EPRS1: variants seen among roughly 807,000 people sequenced by gnomAD.
EPRS1 encodes the protein bifunctional glutamate/proline--tRNA ligase.
Under a neutral mutation model 188.3 loss-of-function variants are expected in EPRS1, and 107 were observed. That is an observed-to-expected ratio of 0.57 (90% CI 0.49 to 0.67). The LOEUF is 0.67. EPRS1 is among the 30% of genes least tolerant of loss of function. The pLI, the probability that EPRS1 is intolerant of heterozygous loss-of-function variation, is 0.00. For synonymous variants in EPRS1, 596 were observed against 593.1 expected (o/e 1.00, Z -0.07); for missense variants, 1,577 against 1,802.2 (o/e 0.88, Z 2.26).
chr1:220,019,065 A>T lies in EPRS1; in HGVS notation c.1364T>A (p.Phe455Tyr). 1 of 1,612,356 alleles carries T rather than the reference A, an allele frequency of 6.2e-7. No homozygotes were observed. The highest frequency in any genetic ancestry group is 8.5e-7 in the Non-Finnish European group (1 of 1,178,492). ...TCTCAGTACACCACGAACCGTAGGA[A>T]ATCTTGGGTCATCCCTGGAAATATG... Reference protein sequence around the residue: ...GLVDGWDDPRFPTVRGVLRRG... With the variant: ...GLVDGWDDPRYPTVRGVLRRG... Residue 455 changes from phenylalanine to tyrosine, a missense_variant, in exon 11 of 32, where the codon TTT (phenylalanine) becomes TAT (tyrosine). Around this residue, in one of 3 missense-constraint regions of EPRS1, gnomAD observed 1,278 missense variants for 1,457.4 expected, o/e 0.88. Transcript: ENST00000366923.
Position 220,040,289 on chromosome 1 carries a change from ATTT to A in EPRS1, c.47-23_47-21del, listed in dbSNP as rs534205349. The A allele has an allele frequency of 1.3e-5, 20 of 1,493,508 alleles. No homozygotes were observed. The African/African-American group carries it at 2.1e-4, about 16-fold the overall frequency. 92.5% of individuals were successfully genotyped at this position (1,493,508 alleles called of 1,614,324 possible). A position where few individuals can be genotyped will look rare whatever the true frequency, so the allele number is the denominator to read the frequency against. Reference sequence around the variant, plus strand: ...AAGCTCCTATAAATAATATGAAAAGATTTTTTATCTTTAAAAGCAATGCAGTAT... The same window carrying A: ...AAGCTCCTATAAATAATATGAAAAGATTTATCTTTAAAAGCAATGCAGTAT... On this transcript the variant is annotated intron_variant, in intron 1 of 31. Coordinates refer to ENST00000366923, the MANE Select transcript of EPRS1 (RefSeq NM_004446.3).
intron 16 of EPRS1, among the ~76,000 whole-genome samples, chr1:220,003,783 A>G (rs1236414372): frequency 6.6e-6 from 1 of 152,208 alleles, no homozygotes; most frequent in Non-Finnish European, 1.5e-5. Flanking sequence ...TGCATGCGTG[A>G]GCTTATGTGA....
At chr1:220,045,271 A>G (rs527484579) in intron 1 of EPRS1, among the ~76,000 whole-genome samples, 54 of 152,362 alleles carry the variant, frequency 3.5e-4, no homozygotes, top group African/African-American at 1.3e-3. Flanking sequence ...AGGCCAAGTC[A>G]GGATGGCTTG....
Position 219,982,760 on chromosome 1 carries a change from G to A in EPRS1, c.3373+12C>T. ...AGTGAGCATTCTCTTGCACTCCAAT[G>A]CCTATTCTCACCTGTTTCACTAGTA... On this transcript the variant is annotated intron_variant, in intron 23 of 31. Coordinates refer to ENST00000366923, the MANE Select transcript of EPRS1 (RefSeq NM_004446.3). 1 of 1,611,618 alleles carries A rather than the reference G, an allele frequency of 6.2e-7. No homozygotes were observed. Among genetic ancestry groups the A allele is most frequent in the South Asian group, 1.1e-5 (1 of 91,024 alleles).
At position 219,997,314 on chromosome 1, in the gene EPRS1, G is replaced by A. The variant is rs1181962818; in HGVS notation, c.2210C>T (p.Thr737Ile). The A allele has an allele frequency of 3.7e-6, 6 of 1,607,994 alleles. No homozygotes were observed. In the Admixed American group the frequency reaches 8.5e-5, roughly 23 times the overall value. The change falls in exon 18 of 32, where the codon ACA (threonine) becomes ATA (isoleucine). Residue 737 changes from threonine to isoleucine, a missense_variant. By Grantham distance (89) the Thr-to-Ile change is moderately conservative (BLOSUM62 -1). This residue lies in a region of EPRS1 where 1,278 missense variants were observed against 1,457.4 expected (regional missense o/e 0.88). Transcript: ENST00000366923. ...ETSAPFKERP[T>I]PSLNNNCTTS... ...AGTACAATTATTATTCAGAGAAGGT[G>A]TTGGTCTTTCCTTAAAAGGAGCAGA...
intron 20 of EPRS1, 148 bp from the exon 21 acceptor site, chr1:219,984,405 A>G (rs1558045093): frequency 1.5e-6 from 1 of 658,710 alleles, no homozygotes; most frequent in Non-Finnish European, 2.7e-6. Flanking sequence ...TTCATTCCCA[A>G]GATAACGTTG....
rs11118482 is a variant in EPRS1 at position 219,998,534 on chromosome 1, T to C, written c.2182-1192A>G. Among the ~76,000 whole-genome samples, 887 of 138,396 alleles carry C rather than the reference T, an allele frequency of 6.4e-3. 12 individuals are homozygous for C. The highest frequency in any genetic ancestry group is 0.023 in the African/African-American group (831 of 36,090). 90.8% of individuals were successfully genotyped at this position (138,396 alleles called of 152,430 possible). ...AGCCACCCTATATCAAAAATATATA[T>C]TTGTTCAGCTACATTTTTTTTTTTT... On this transcript the variant is annotated intron_variant, in intron 17 of 31. Transcript: ENST00000366923.
chr1:220,043,676 C>G (rs753246284), intron 1 of EPRS1, among the ~76,000 whole-genome samples: 1 of 152,096 alleles, frequency 6.6e-6, no homozygotes, highest in African/African-American at 2.4e-5. Context: ...GGAATAACTA[C>G]GCTATTCCTG....
chr1:220,015,236 G>T (rs149135370), intron 12 of EPRS1, among the ~76,000 whole-genome samples: 2 of 152,002 alleles, frequency 1.3e-5, no homozygotes, highest in African/African-American at 2.4e-5. Flanking sequence ...AGGCTGAGGC[G>T]GGTGGATCAA....
At chr1:220,018,331 G>T in intron 12 of EPRS1, 118 bp downstream of exon 12, 2 of 1,003,270 alleles carry the variant, frequency 2.0e-6, no homozygotes, top group African/African-American at 1.6e-5. Context: ...CTGAAAGTCT[G>T]CAAAATGTTA....
In EPRS1 at chr1:219,979,560, A is replaced by G; in HGVS notation, c.3767T>C (p.Phe1256Ser). Residue 1256 changes from phenylalanine (F) to serine (S), a missense_variant, in exon 27 of 32, where the codon TTT (phenylalanine) becomes TCT (serine). By Grantham distance (155) the Phe-to-Ser change is radical (BLOSUM62 -2). Transcript: ENST00000366923. ...QNFSKMFEIV[F>S]EDPKIPGEKQ... Reference sequence around the variant, plus strand: ...CTCTCCTGGTATCTTTGGATCTTCAAAAACGATTTCAAACATTTTGGAAAA... The same window carrying G: ...CTCTCCTGGTATCTTTGGATCTTCAGAAACGATTTCAAACATTTTGGAAAA... The G allele has an allele frequency of 2.5e-6, 4 of 1,614,056 alleles. No homozygotes were observed. The highest frequency in any genetic ancestry group is 3.4e-6 in the Non-Finnish European group (4 of 1,179,938).
intron 13 of EPRS1, among the ~76,000 whole-genome samples, chr1:220,008,088 C>G (rs948009809): frequency 2.8e-4 from 40 of 140,808 alleles, no homozygotes; most frequent in Admixed American, 5.2e-4. Context: ...GCCTGGGCAA[C>G]AGAGCGAGAC....
rs1221638661 is a variant in EPRS1, at chr1:220,019,068, C to A, written c.1361G>T (p.Arg454Ile). The A allele has an allele frequency of 2.5e-6, 4 of 1,611,574 alleles. No homozygotes were observed. Among genetic ancestry groups the A allele is most frequent in the South Asian group, 1.1e-5 (1 of 91,006 alleles). Residue 454 changes from arginine to isoleucine, a missense_variant, in exon 11 of 32, where the codon AGA (arginine) becomes ATA (isoleucine). This residue lies in a region of EPRS1 where 1,278 missense variants were observed against 1,457.4 expected (regional missense o/e 0.88). Transcript: ENST00000366923. ...EGLVDGWDDP[R>I]FPTVRGVLRR... ...CAGTACACCACGAACCGTAGGAAAT[C>A]TTGGGTCATCCCTGGAAATATGTAA...
Position 220,030,398 on chromosome 1 carries a change from G to A in EPRS1, c.611C>T (p.Pro204Leu), listed in dbSNP as rs1365287128. 3 of 1,611,818 alleles carry A rather than the reference G, an allele frequency of 1.9e-6. No homozygotes were observed. The highest frequency in any genetic ancestry group is 1.7e-5 in the Admixed American group (1 of 59,962). ...EMGKVTVRFP[P>L]EASGYLHIGH... ...TACATTTTCTTACCCACTGGCCTCT[G>A]GAGGAAATCTGACGGTAACCTTTCC... Residue 204 changes from proline to leucine, a missense_variant, in exon 6 of 32, where the codon CCA becomes CTA. By Grantham distance (98) the Pro-to-Leu change is moderately conservative (BLOSUM62 -3). This residue lies in a region of EPRS1 where 1,278 missense variants were observed against 1,457.4 expected (regional missense o/e 0.88). Transcript: ENST00000366923.
In EPRS1 at chr1:220,005,040, A is replaced by C. The variant is rs10465680; in HGVS notation, c.2063+208T>G. 8.8e-4 allele frequency among the ~76,000 whole-genome samples: 134 copies of C among 152,340 alleles called. 1 individual carries two copies. The highest frequency in any genetic ancestry group is 3.1e-3 in the African/African-American group (127 of 41,598). ...AGAGGTTTAATTTCAGAAATGAATA[A>C]TTTATTAATGTTCAATGTGCGTGTT... is the stretch of plus-strand genomic sequence containing the variant. On this transcript the variant is annotated intron_variant, in intron 16 of 31. Transcript: ENST00000366923.
At chr1:220,034,329 T>C (rs1222140506) in intron 3 of EPRS1, among the ~76,000 whole-genome samples, 1 of 152,206 alleles carries the variant, frequency 6.6e-6, no homozygotes, top group East Asian at 1.9e-4. Flanking sequence ...CTACACTGTA[T>C]AGCCTAGGTG....
At chr1:220,037,387 C>T in intron 2 of EPRS1, among the ~76,000 whole-genome samples, 1 of 151,748 alleles carries the variant, frequency 6.6e-6, no homozygotes, top group Non-Finnish European at 1.5e-5. Context: ...TGCCTGTAAT[C>T]CCAGCTACTT....
chr1:220,035,656 C>T (rs1229327337), intron 2 of EPRS1, among the ~76,000 whole-genome samples: 2 of 151,232 alleles, frequency 1.3e-5, no homozygotes, highest in South Asian at 2.1e-4. Flanking sequence ...TGGTAAAACC[C>T]CGTCTCTACT....
intron 8 of EPRS1, among the ~76,000 whole-genome samples, chr1:220,024,020 T>C (rs1462673900): frequency 1.3e-5 from 2 of 152,106 alleles, no homozygotes; most frequent in African/African-American, 4.8e-5. Context: ...GGTGTGGTGG[T>C]GCACGCCTGT....
Sources: allele counts gnomAD v4.1 joint callset (sites outside exome capture counted in the v4.1 genomes callset), GRCh38; gene constraint gnomAD v4.1.1; regional missense constraint gnomAD v4.1.1; transcripts MANE v1.5; gene names NCBI Gene and HGNC (gene_info 2026-07-23, HGNC 2026-07-21).